Variants in GLRA2 observed in about 807,000 individuals in gnomAD.
The protein encoded by GLRA2 is glycine receptor alpha 2.
GLRA2 carries 11 observed loss-of-function variants against 31.6 expected under a neutral mutation model. That is an observed-to-expected ratio of 0.35 (90% CI 0.22 to 0.58). The LOEUF is 0.58. Ranked by LOEUF, GLRA2 falls within the 20% of genes least tolerant of loss-of-function variation. The pLI, the probability that GLRA2 is intolerant of heterozygous loss-of-function variation, is 0.84. For missense variants in GLRA2, 212 were observed against 351.8 expected (o/e 0.60, Z 3.18); for synonymous variants, 132 against 134.0 (o/e 0.99, Z 0.10).
chrX:14,575,788 TG>T (rs2089950682), intron 3 of GLRA2, among the ~76,000 whole-genome samples: 2 of 111,646 alleles, frequency 1.8e-5, no homozygotes, highest in Non-Finnish European at 3.8e-5. Context: ...ATAAATGTCA[TG>T]GTCATGTTAC....
the GLRA2 span, among the ~76,000 whole-genome samples, chrX:14,477,059 C>T: frequency 2.7e-5 from 3 of 111,454 alleles, no homozygotes; most frequent in East Asian, 5.7e-4. Flanking sequence ...GAATGGTAGG[C>T]AATCATCCTC....
At chrX:14,466,293 C>T in the GLRA2 span, among the ~76,000 whole-genome samples, 3 of 111,070 alleles carry the variant, frequency 2.7e-5, no homozygotes. Context: ...TTGTTCCTTA[C>T]TCTTGAACAA....
chrX:14,490,245 A>C, the GLRA2 span, among the ~76,000 whole-genome samples: 5 of 112,021 alleles, frequency 4.5e-5, no homozygotes, highest in Non-Finnish European at 9.4e-5. Context: ...ATATCTTTGC[A>C]GTTCTGATTA....
chrX:14,529,053 G>A (rs1226257955), upstream of GLRA2, among the ~76,000 whole-genome samples: 1 of 111,047 alleles, frequency 9.0e-6, no homozygotes, highest in African/African-American at 3.3e-5. Context: ...TTCTGCACGC[G>A]GGCTTCTCTG....
At chrX:14,691,318 TGTGTGTGC>T (rs1231136631) in intron 8 of GLRA2, among the ~76,000 whole-genome samples, 728 of 64,243 alleles carry the variant, frequency 0.011, 12 homozygotes, top group African/African-American at 0.045. Context: ...TGTGTGTGTG[TGTGTGTGC>T]GCGCGTGCGT....
chrX:14,490,280 A>T, the GLRA2 span, among the ~76,000 whole-genome samples: 3 of 112,226 alleles, frequency 2.7e-5, no homozygotes, highest in South Asian at 3.7e-4. Flanking sequence ...TCTGTTCTTC[A>T]GTAAGCTGCA....
At chrX:14,697,153 T>C (rs2091460366) in intron 8 of GLRA2, among the ~76,000 whole-genome samples, 1 of 111,591 alleles carries the variant, frequency 9.0e-6, no homozygotes, top group Non-Finnish European at 1.9e-5. Flanking sequence ...CCAGGTACTC[T>C]TCTAGATACT....
the GLRA2 span, among the ~76,000 whole-genome samples, chrX:14,518,641 CTGTGTGTG>C: frequency 1.8e-5 from 2 of 109,377 alleles, no homozygotes; most frequent in Admixed American, 9.7e-5. Context: ...AGAAATTAAA[CTGTGTGTG>C]TGTGTATGTG....
At chrX:14,672,910 C>G (rs1325024083) in intron 7 of GLRA2, among the ~76,000 whole-genome samples, 2 of 111,166 alleles carry the variant, frequency 1.8e-5, no homozygotes, top group Non-Finnish European at 3.8e-5. Context: ...CCCAGAGTGC[C>G]ATGCCAAGAA....
At chrX:14,656,794 A>AT (rs2090945667) in intron 7 of GLRA2, among the ~76,000 whole-genome samples, 1 of 112,313 alleles carries the variant, frequency 8.9e-6, no homozygotes, top group Non-Finnish European at 1.9e-5. Context: ...TAACAAGCAA[A>AT]TAAATAAAAA....
At chrX:14,642,993 G>A (rs972717920) in intron 7 of GLRA2, among the ~76,000 whole-genome samples, 1 of 111,439 alleles carries the variant, frequency 9.0e-6, no homozygotes, top group African/African-American at 3.3e-5. Flanking sequence ...ATTTCTGGCA[G>A]AAGAGAAAGT....
At chrX:14,498,015 G>T in the GLRA2 span, among the ~76,000 whole-genome samples, 2 of 111,289 alleles carry the variant, frequency 1.8e-5, no homozygotes, top group African/African-American at 3.3e-5. Context: ...TAAAGGAAGA[G>T]ATGTTATTTT....
chrX:14,662,249 AAC>A (rs746131304), intron 7 of GLRA2, among the ~76,000 whole-genome samples: 449 of 109,567 alleles, frequency 4.1e-3, no homozygotes, highest in Non-Finnish European at 6.4e-3. Context: ...AGCAGAATAA[AAC>A]ACACACACAC....
upstream of GLRA2, among the ~76,000 whole-genome samples, chrX:14,526,043 C>T (rs2089186230): frequency 8.9e-6 from 1 of 111,744 alleles, no homozygotes; most frequent in Admixed American, 9.5e-5. Flanking sequence ...ATGACGAGCT[C>T]CTTGAGTCAG....
intron 7 of GLRA2, among the ~76,000 whole-genome samples, chrX:14,619,527 T>G (rs1197142939): frequency 9.1e-6 from 1 of 110,134 alleles, no homozygotes; most frequent in Non-Finnish European, 1.9e-5. Flanking sequence ...AATGATTGTT[T>G]TCTGTGACTG....
intron 8 of GLRA2, among the ~76,000 whole-genome samples, chrX:14,691,922 C>A (rs1285088405): frequency 8.9e-6 from 1 of 111,924 alleles, no homozygotes; most frequent in Non-Finnish European, 1.9e-5. Context: ...TAAATTAATC[C>A]TGCTGGTGAA....
chrX:14,720,478 A>G (rs1171885375), intron 8 of GLRA2, among the ~76,000 whole-genome samples: 1 of 111,665 alleles, frequency 9.0e-6, no homozygotes, highest in East Asian at 2.8e-4. Context: ...TCAACAGACA[A>G]TATGGAGACA....
At chrX:14,713,195 GTTA>G (rs2091737727) in intron 8 of GLRA2, among the ~76,000 whole-genome samples, 1 of 112,113 alleles carries the variant, frequency 8.9e-6, no homozygotes, top group Non-Finnish European at 1.9e-5. Context: ...CACTGATGCT[GTTA>G]TTATTGTTTT....
the GLRA2 span, among the ~76,000 whole-genome samples, chrX:14,477,519 C>T: frequency 9.0e-6 from 1 of 111,335 alleles, no homozygotes; most frequent in African/African-American, 3.3e-5. Flanking sequence ...CTCTCCCCAG[C>T]AGAGATATAT....
Sources: gnomAD v4.1 joint callset for allele counts (sites outside exome capture counted in the v4.1 genomes callset) on GRCh38, gnomAD v4.1.1 for gene constraint, MANE v1.5 for transcripts, NCBI Gene and HGNC (gene_info 2026-07-23, HGNC 2026-07-21) for gene names.